The following CUZD1 variants were observed in gnomAD, a reference collection of about 807,000 sequenced individuals.
CUZD1 encodes the protein CUB and zona pellucida-like domain-containing protein 1.
In CUZD1, 42 loss-of-function variants were observed where a neutral mutation model predicts 53.1. The observed-to-expected ratio is 0.79, with a 90% confidence interval of 0.62 to 1.02. The LOEUF is 1.02. Among genes scored for constraint, CUZD1 ranks in the 50% least tolerant of loss-of-function variants. The pLI is 0.00. For missense variants in CUZD1, 670 were observed against 715.7 expected, an observed-to-expected ratio of 0.94 and a Z score of 0.73; for synonymous variants, 238 against 257.2, an observed-to-expected ratio of 0.93 and a Z score of 0.71.
intron 7 of CUZD1, among the ~76,000 whole-genome samples, chr10:122,834,344 T>C (rs1471267435): frequency 5.9e-5 from 9 of 152,244 alleles, no homozygotes; most frequent in African/African-American, 1.9e-4. Flanking sequence ...GATGGCGTTA[T>C]ATTTTAAAGA....
In CUZD1 at chr10:122,832,245, GA is replaced by G. The variant is rs755934811; in HGVS notation, c.*32del. 1 of 1,604,514 alleles carries G rather than the reference GA, an allele frequency of 6.2e-7. No individual in the cohort carries two copies. The highest frequency in any genetic ancestry group is 1.1e-5 in the South Asian group (1 of 90,400). ...GTAGCATTTCCTTTGGCATCCTGGA[GA>G]AACATGTCTCACTTAGGGTTGGACC... On this transcript the variant is annotated 3_prime_UTR_variant, in exon 9 of 9. Transcript: ENST00000392790.
intron 2 of CUZD1, among the ~76,000 whole-genome samples, chr10:122,840,237 T>C (rs977197516): frequency 3.9e-5 from 6 of 152,214 alleles, no homozygotes; most frequent in African/African-American, 1.4e-4. Flanking sequence ...AGTGTGGTAC[T>C]TGGACCTGCA....
intron 1 of CUZD1, among the ~76,000 whole-genome samples, chr10:122,843,999 A>G (rs536327935): frequency 1.0e-4 from 15 of 148,552 alleles, no homozygotes; most frequent in African/African-American, 2.9e-4. Context: ...GAGAGACTAT[A>G]TATATAGAGA....
rs1730010171 is a variant in CUZD1, at chr10:122,836,865, G to C, written c.783C>G (p.Ser261=). 6.2e-7 allele frequency: 1 copy of C among 1,613,670 alleles called. No homozygotes were observed. The highest frequency in any genetic ancestry group is 1.7e-5 in the Admixed American group (1 of 60,002). The change falls in exon 5 of 9, where the codon TCC becomes TCG. Residue 261 remains serine (S), a synonymous_variant. Transcript: ENST00000392790. ...YANSYRGFSA[S]YTSIYAENIN... The stretch of plus-strand genomic sequence containing the variant: ...TGTTTTCTGCATAAATTGAGGTGTA[G>C]GAAGCAGAAAATCCCCGGTAAGAAT...
At chr10:122,836,711 C>A in intron 5 of CUZD1, 120 bp downstream of exon 5, 1 of 721,278 alleles carries the variant, frequency 1.4e-6, no homozygotes, top group Non-Finnish European at 2.4e-6. Flanking sequence ...GAATATGTTC[C>A]CAACTACATG....
chr10:122,843,325 AC>A (rs1847373351), intron 1 of CUZD1, among the ~76,000 whole-genome samples: 1 of 152,190 alleles, frequency 6.6e-6, no homozygotes, highest in South Asian at 2.1e-4. Context: ...CCCTGTGGAT[AC>A]CAAAATCCAT....
At chr10:122,833,609 G>T (rs1847192878) in intron 8 of CUZD1, 63 bp downstream of exon 8, 1 of 1,536,052 alleles carries the variant, frequency 6.5e-7, no homozygotes, top group Non-Finnish European at 8.9e-7. Flanking sequence ...AGAGTTACTG[G>T]ATTTGAGCAG....
At chr10:122,845,485 CAT>C (rs1350096355) in intron 1 of CUZD1, among the ~76,000 whole-genome samples, 1 of 152,142 alleles carries the variant, frequency 6.6e-6, no homozygotes, top group African/African-American at 2.4e-5. Context: ...CATATTTATA[CAT>C]ATATCTTTGG....
Position 122,836,875 on chromosome 10 carries a change from A to T in CUZD1, c.773T>A (p.Phe258Tyr). 1.9e-6 allele frequency: 3 copies of T among 1,614,092 alleles called. No individual in the cohort carries two copies. Among genetic ancestry groups the T allele is most frequent in the Non-Finnish European group, 2.5e-6 (3 of 1,179,974 alleles). ...ATAAATTGAGGTGTAGGAAGCAGAA[A>T]ATCCCCGGTAAGAATTGGCATAATC... ...STDYANSYRG[F>Y]SASYTSIYAE... The change falls in exon 5 of 9, where the codon TTT becomes TAT. Residue 258 changes from phenylalanine (F) to tyrosine (Y), a missense_variant. By Grantham distance (22) the Phe-to-Tyr change is conservative. Transcript: ENST00000392790.
Position 122,836,325 on chromosome 10 carries a change from C to T in CUZD1, c.843G>A (p.Arg281=), listed in dbSNP as rs771356322. The stretch of plus-strand genomic sequence containing the variant: ...AGGATTTGCTTATAATAACTCTCAT[C>T]CTGTCAGAAGAGCAAGTTAAAGATG... The part of the protein sequence containing the change: ...NTTSLTCSSD[R]MRVIISKSYL... Residue 281 remains arginine (R), a synonymous_variant, in exon 6 of 9, where the codon AGG becomes AGA. Transcript: ENST00000392790. 5.6e-5 allele frequency: 88 copies of T among 1,582,272 alleles called. 1 individual carries two copies. In the East Asian group the frequency reaches 2.0e-3, roughly 35 times the overall value.
chr10:122,833,162 A>T (rs997869620), intron 8 of CUZD1, among the ~76,000 whole-genome samples: 20 of 152,208 alleles, frequency 1.3e-4, no homozygotes, highest in African/African-American at 4.8e-4. Context: ...AGTATTTACC[A>T]TCATTCCTTT....
Position 122,836,161 on chromosome 10 carries a change from T to A in CUZD1, c.990+17A>T, listed in dbSNP as rs77697333. 2.8e-3 allele frequency: 4,403 copies of A among 1,585,528 alleles called. 100 individuals carry two copies. In the African/African-American group the frequency reaches 0.052, roughly 19 times the overall value. On this transcript the variant is annotated intron_variant, in intron 6 of 8. Coordinates refer to ENST00000392790, the MANE Select transcript of CUZD1 (RefSeq NM_022034.6). Reference sequence around the variant, plus strand: ...CTCAGCATTTGACAAAATCCAGCTATCAGTATTTCACTTTACCTTTCTGAT... The same window carrying A: ...CTCAGCATTTGACAAAATCCAGCTAACAGTATTTCACTTTACCTTTCTGAT...
chr10:122,839,102 A>G lies in CUZD1; in HGVS notation c.363T>C (p.Ser121=), dbSNP rs758363638. Residue 121 remains serine, a synonymous_variant, in exon 3 of 9, where the codon AGT becomes AGC. Coordinates refer to ENST00000392790, the MANE Select transcript of CUZD1 (RefSeq NM_022034.6). ...CAGTAACTATTTGAAACGTCAATGT[A>G]CTGGATGATGATTCAAATACAGGAA... ...DYVPVFESSS[S]TLTFQIVTDS... 87 of 1,613,980 alleles carry G rather than the reference A, an allele frequency of 5.4e-5. No homozygotes were observed. The highest frequency in any genetic ancestry group is 7.4e-5 in the Non-Finnish European group (87 of 1,179,936).
At chr10:122,835,333 A>AT (rs1261551751) in intron 6 of CUZD1, among the ~76,000 whole-genome samples, 1 of 152,252 alleles carries the variant, frequency 6.6e-6, no homozygotes, top group East Asian at 1.9e-4. Flanking sequence ...GAATCAGACA[A>AT]TTTTTTTCAG....
In CUZD1 at chr10:122,834,901, CTGG is replaced by C; in HGVS notation, c.1184_1186del (p.Thr395del). 1 of 1,613,546 alleles carries C rather than the reference CTGG, an allele frequency of 6.2e-7. No homozygotes were observed. The highest frequency in any genetic ancestry group is 8.5e-7 in the Non-Finnish European group (1 of 1,179,642). ...TGAATTGGATTCAAAAAGAGCCATG[CTGG>C]TGTTATATTTGCCCAGTGCATTTTG... On this transcript the variant is annotated inframe_deletion, in exon 7 of 9. Transcript: ENST00000392790.
At chr10:122,845,031 C>CT (rs1847414109) in intron 1 of CUZD1, among the ~76,000 whole-genome samples, 1 of 150,892 alleles carries the variant, frequency 6.6e-6, no homozygotes. Flanking sequence ...CTTCAGATCT[C>CT]TTTTTTCTCT....
rs1219178585 is a variant in CUZD1 at position 122,836,338 on chromosome 10, C to T, written c.830G>A (p.Cys277Tyr). ...AATAACTCTCATCCTGTCAGAAGAG[C>T]AAGTTAAAGATGCTGTCAGGAAAAA... ...AENINTTSLT[C>Y]SSDRMRVIIS... The change falls in exon 6 of 9, where the codon TGC becomes TAC. Residue 277 changes from cysteine to tyrosine, a missense_variant. Cys to Tyr is a radical substitution (Grantham distance 194, BLOSUM62 -2). Coordinates refer to ENST00000392790, the MANE Select transcript of CUZD1 (RefSeq NM_022034.6). 1 of 1,483,570 alleles carries T rather than the reference C, an allele frequency of 6.7e-7. No individual in the cohort carries two copies. The highest frequency in any genetic ancestry group is 8.9e-7 in the Non-Finnish European group (1 of 1,122,672). 91.9% of individuals were successfully genotyped at this position (1,483,570 alleles called of 1,614,324 possible). A position where few individuals can be genotyped will look rare whatever the true frequency, so the allele number is the denominator to read the frequency against.
intron 8 of CUZD1, among the ~76,000 whole-genome samples, chr10:122,832,850 T>G (rs142014812): frequency 7.5e-4 from 115 of 152,350 alleles, no homozygotes; most frequent in Middle Eastern, 3.4e-3. Flanking sequence ...ATATTGATGG[T>G]ATTTCCATAA....
rs35299879 is a variant in CUZD1 at position 122,841,282 on chromosome 10, C to A, written c.129G>T (p.Glu43Asp). Residue 43 changes from glutamate to aspartate, a missense_variant, in exon 2 of 9, where the codon GAG becomes GAT. Glu to Asp is a conservative substitution (Grantham distance 45, BLOSUM62 2). Transcript: ENST00000392790. ...GTTGCAGGATCATGGCTTTGTGGGT[C>A]TCTGCCATATTGGCACCCCCTAGAC... ...TVSLGGANMAETHKAMILQLN... is the reference protein window; with the variant it reads ...TVSLGGANMADTHKAMILQLN... The A allele has an allele frequency of 2.1e-3, 3,366 of 1,613,940 alleles. 55 individuals carry two copies. In the East Asian group the frequency reaches 0.042, roughly 20 times the overall value.
Sources: gnomAD v4.1 joint callset for allele counts (sites outside exome capture counted in the v4.1 genomes callset) on GRCh38, gnomAD v4.1.1 for gene constraint, MANE v1.5 for transcripts, NCBI Gene and HGNC (gene_info 2026-07-23, HGNC 2026-07-21) for gene names.